The following PRSS3 variants were observed in gnomAD, a reference collection of about 807,000 sequenced individuals.
PRSS3 encodes trypsin-3.
PRSS3 carries 14 observed loss-of-function variants against 20.8 expected under a neutral mutation model. That is an observed-to-expected ratio of 0.67 (90% CI 0.44 to 1.05). The LOEUF (loss-of-function observed/expected upper bound fraction) is 1.05, where lower values mean the gene tolerates loss of function less well. PRSS3 is among the 50% of genes least tolerant of loss of function. PRSS3 has a pLI of 0.00. For synonymous variants in PRSS3, 91 were observed against 117.6 expected (o/e 0.77, Z 1.46); for missense variants, 237 against 306.4 (o/e 0.77, Z 1.69).
intron 1 of PRSS3, among the ~76,000 whole-genome samples, chr9:33,784,445 T>G (rs1330951028): frequency 1.3e-5 from 2 of 152,240 alleles, no homozygotes; most frequent in African/African-American, 4.8e-5. Flanking sequence ...CTTGAGCCAC[T>G]GTCCGTGGCA....
chr9:33,798,000 C>T lies in PRSS3; in HGVS notation c.372C>T (p.Ser124=). Residue 124 remains serine (S), a synonymous_variant, in exon 3 of 5, where the codon TCC becomes TCT. Transcript: ENST00000379405. Reference sequence around the variant, plus strand: ...CTGCCGTCATCAATGCCCGCGTGTCCACCATCTCTCTGCCCACCACCCCTC... The same window carrying T: ...CTGCCGTCATCAATGCCCGCGTGTCTACCATCTCTCTGCCCACCACCCCTC... ...SSPAVINARV[S]TISLPTTPPA... The T allele has an allele frequency of 1.2e-6, 2 of 1,614,272 alleles. No homozygotes were observed. Among genetic ancestry groups the T allele is most frequent in the East Asian group, 2.2e-5 (1 of 44,886 alleles).
chr9:33,770,481 A>C (rs1213950336), intron 1 of PRSS3, among the ~76,000 whole-genome samples: 1 of 152,180 alleles, frequency 6.6e-6, no homozygotes, highest in African/African-American at 2.4e-5. Flanking sequence ...TGAGAAGGAC[A>C]TGGATTTTCA....
chr9:33,754,123 A>G (rs1765358), intron 1 of PRSS3, among the ~76,000 whole-genome samples: 149,110 of 151,866 alleles, frequency 0.98, 73,254 homozygotes, highest in Non-Finnish European at 1. Flanking sequence ...ATGGAGTCTC[A>G]CTCAGTGGCA....
intron 1 of PRSS3, among the ~76,000 whole-genome samples, chr9:33,764,401 C>T (rs1309698415): frequency 1.3e-5 from 2 of 152,056 alleles, no homozygotes; most frequent in Non-Finnish European, 2.9e-5. Flanking sequence ...GGTGTGGTGG[C>T]ACATTCCTGT....
chr9:33,767,020 G>T (rs1823464504), intron 1 of PRSS3, among the ~76,000 whole-genome samples: 1 of 151,430 alleles, frequency 6.6e-6, no homozygotes, highest in South Asian at 2.1e-4. Context: ...CCATCTTAGG[G>T]TGACTTTCAG....
upstream of PRSS3, chr9:33,795,488 C>G: frequency 6.4e-7 from 1 of 1,560,846 alleles, no homozygotes; most frequent in Admixed American, 1.7e-5. Flanking sequence ...GAACTGTGAC[C>G]CTCACCTCAC....
intron 1 of PRSS3, among the ~76,000 whole-genome samples, chr9:33,772,433 C>A (rs1779510412): frequency 6.6e-6 from 1 of 152,152 alleles, no homozygotes; most frequent in Admixed American, 6.5e-5. Context: ...CAGAGTGCCA[C>A]CACCAGTCCC....
chr9:33,771,624 GTTTTGTTTTTTTGTTT>G (rs1311005751), intron 1 of PRSS3, among the ~76,000 whole-genome samples: 1 of 140,688 alleles, frequency 7.1e-6, no homozygotes. Context: ...ACTGCACTGG[GTTTTGTTTTTTTGTTT>G]TTTTGTTTTT....
chr9:33,788,042 G>C (rs1824484154), intron 1 of PRSS3, among the ~76,000 whole-genome samples: 1 of 152,140 alleles, frequency 6.6e-6, no homozygotes, highest in East Asian at 1.9e-4. Flanking sequence ...AGCCACCCTG[G>C]GTTTTATATC....
chr9:33,753,107 A>G (rs1822770397), intron 1 of PRSS3, among the ~76,000 whole-genome samples: 1 of 152,260 alleles, frequency 6.6e-6, no homozygotes, highest in African/African-American at 2.4e-5. Flanking sequence ...CATTCCTTCC[A>G]GAATACCACA....
chr9:33,778,089 A>T (rs560332874), intron 1 of PRSS3, among the ~76,000 whole-genome samples: 7 of 152,286 alleles, frequency 4.6e-5, no homozygotes, highest in South Asian at 2.1e-4. Context: ...AACACATTTT[A>T]AAAAATCTAT....
intron 1 of PRSS3, among the ~76,000 whole-genome samples, chr9:33,767,273 G>A (rs10814044): frequency 0.37 from 55,718 of 151,574 alleles, 10,396 homozygotes; most frequent in African/African-American, 0.42. Flanking sequence ...TGGCCCGACA[G>A]AGGGAGACTC....
intron 1 of PRSS3, among the ~76,000 whole-genome samples, chr9:33,770,388 A>C (rs181717376): frequency 6.6e-6 from 1 of 152,140 alleles, no homozygotes; most frequent in Non-Finnish European, 1.5e-5. Context: ...CGATACTTAC[A>C]TGAGATTTTG....
intron 1 of PRSS3, among the ~76,000 whole-genome samples, chr9:33,771,813 G>GT (rs1343370123): frequency 4.9e-5 from 7 of 142,552 alleles, no homozygotes; most frequent in South Asian, 4.5e-4. Flanking sequence ...TTGTTTTTTT[G>GT]TTTTTTTGGT....
upstream of PRSS3, among the ~76,000 whole-genome samples, chr9:33,792,757 T>C (rs905674491): frequency 6.6e-6 from 1 of 152,180 alleles, no homozygotes; most frequent in African/African-American, 2.4e-5. Context: ...GAAGAAAAAA[T>C]TCTTAACTTA....
chr9:33,762,381 C>T (rs889712797), intron 1 of PRSS3, among the ~76,000 whole-genome samples: 3 of 152,160 alleles, frequency 2.0e-5, no homozygotes, highest in South Asian at 2.1e-4. Context: ...AGAGCAGGGA[C>T]GTGACTTAAC....
intron 1 of PRSS3, among the ~76,000 whole-genome samples, chr9:33,759,904 G>C (rs1266062208): frequency 6.6e-6 from 1 of 152,224 alleles, no homozygotes; most frequent in Non-Finnish European, 1.5e-5. Flanking sequence ...TAATGTCAGT[G>C]CTGAACAAGC....
intron 1 of PRSS3, among the ~76,000 whole-genome samples, chr9:33,771,940 C>G (rs1167947980): frequency 6.8e-6 from 1 of 147,008 alleles, no homozygotes; most frequent in Non-Finnish European, 1.5e-5. Context: ...GGCTCAATCT[C>G]AGCTCACTGT....
chr9:33,772,324 G>A (rs376175472), intron 1 of PRSS3, among the ~76,000 whole-genome samples: 3 of 152,114 alleles, frequency 2.0e-5, no homozygotes, highest in Non-Finnish European at 4.4e-5. Flanking sequence ...TCACAGGCTC[G>A]ACATTGCTGA....
Sources: gnomAD v4.1 joint callset for allele counts (sites outside exome capture counted in the v4.1 genomes callset) on GRCh38, gnomAD v4.1.1 for gene constraint, MANE v1.5 for transcripts, NCBI Gene and HGNC (gene_info 2026-07-23, HGNC 2026-07-21) for gene names.